Variants in TMEFF2 observed in about 807,000 individuals in gnomAD.
TMEFF2 encodes tomoregulin-2.
In TMEFF2, 28 loss-of-function variants were observed where a neutral mutation model predicts 53.8. The ratio of observed to expected loss-of-function variants is 0.52; its 90% CI spans 0.39 to 0.71. TMEFF2 has a LOEUF of 0.71. Among genes scored for constraint, TMEFF2 ranks in the 30% least tolerant of loss-of-function variants. The pLI is 0.00. For missense variants in TMEFF2, 353 were observed against 455.2 expected (o/e 0.78, Z 2.04); for synonymous variants, 162 against 166.3 (o/e 0.97, Z 0.20).
intron 2 of TMEFF2, among the ~76,000 whole-genome samples, chr2:192,186,840 G>A (rs1395819507): frequency 6.6e-6 from 1 of 152,174 alleles, no homozygotes; most frequent in African/African-American, 2.4e-5. Context: ...GGAGTGGAGA[G>A]TGGAAAGTAT....
intron 4 of TMEFF2, among the ~76,000 whole-genome samples, chr2:192,114,132 A>T (rs991744523): frequency 6.6e-6 from 1 of 150,694 alleles, no homozygotes; most frequent in African/African-American, 2.4e-5. Flanking sequence ...AATAATAAAC[A>T]TCTTTTCTCT....
intron 8 of TMEFF2, 70 bp downstream of exon 8, chr2:191,956,185 T>G: frequency 6.8e-7 from 1 of 1,478,798 alleles, no homozygotes; most frequent in South Asian, 1.4e-5. Flanking sequence ...CAATTTTCTA[T>G]AAACATCTAC....
chr2:191,954,128 C>G (rs559988100), intron 8 of TMEFF2, among the ~76,000 whole-genome samples: 6 of 152,150 alleles, frequency 3.9e-5, no homozygotes, highest in African/African-American at 1.4e-4. Flanking sequence ...ACCTCGTGAT[C>G]CGCCCACCTC....
chr2:192,066,915 T>C (rs910855544), intron 4 of TMEFF2, among the ~76,000 whole-genome samples: 2 of 151,922 alleles, frequency 1.3e-5, no homozygotes, highest in African/African-American at 4.8e-5. Flanking sequence ...TGCATATTCA[T>C]ATAAATGGTT....
chr2:192,041,372 A>G (rs1687476331), intron 5 of TMEFF2, among the ~76,000 whole-genome samples: 1 of 152,244 alleles, frequency 6.6e-6, no homozygotes, highest in Non-Finnish European at 1.5e-5. Context: ...AAAGAGACCA[A>G]CACCATTAGA....
At chr2:192,011,999 G>A (rs1686639054) in intron 5 of TMEFF2, among the ~76,000 whole-genome samples, 1 of 152,004 alleles carries the variant, frequency 6.6e-6, no homozygotes, top group South Asian at 2.1e-4. Flanking sequence ...CCATTCTCCT[G>A]CCTCAGCCTC....
intron 4 of TMEFF2, among the ~76,000 whole-genome samples, chr2:192,160,712 T>C (rs996818694): frequency 1.3e-5 from 2 of 152,002 alleles, no homozygotes; most frequent in African/African-American, 2.4e-5. Flanking sequence ...CCATGATGTA[T>C]ATAGATGTAT....
intron 3 of TMEFF2, among the ~76,000 whole-genome samples, chr2:192,182,693 A>G (rs1691215398): frequency 6.6e-6 from 1 of 151,986 alleles, no homozygotes; most frequent in African/African-American, 2.4e-5. Context: ...GGCAATTCTC[A>G]TGTGGCTATT....
chr2:192,006,086 T>C (rs868484332), intron 5 of TMEFF2, among the ~76,000 whole-genome samples: 2 of 150,774 alleles, frequency 1.3e-5, no homozygotes, highest in Admixed American at 6.6e-5. Context: ...TAACTTATAG[T>C]GGGCAATCCT....
chr2:192,105,173 T>G (rs896192821), intron 4 of TMEFF2, among the ~76,000 whole-genome samples: 1 of 152,088 alleles, frequency 6.6e-6, no homozygotes, highest in East Asian at 1.9e-4. Context: ...AAAGCTGTGT[T>G]TTTTCCCCAA....
At chr2:192,076,381 T>C (rs975613458) in intron 4 of TMEFF2, among the ~76,000 whole-genome samples, 2 of 152,094 alleles carry the variant, frequency 1.3e-5, no homozygotes, top group Non-Finnish European at 2.9e-5. Context: ...ACCACAAATA[T>C]CTTCTCTAAA....
rs1304319658 is a variant in TMEFF2, at chr2:192,194,491, T to C, written c.34A>G (p.Ser12Gly). 2 of 1,613,956 alleles carry C rather than the reference T, an allele frequency of 1.2e-6. No homozygotes were observed. The highest frequency in any genetic ancestry group is 1.7e-6 in the Non-Finnish European group (2 of 1,180,028). ...CAAAAGCCCTCGCAAAGTGTCCAGC[T>C]GCTGCACTGCCGCGGGGACTCCCAC... ...VLWESPRQCS[S>G]WTLCEGFCWL... The change falls in exon 1 of 10, where the codon AGC (serine) becomes GGC (glycine). Residue 12 changes from serine (S) to glycine (G), a missense_variant. Physicochemically the swap from Ser to Gly is moderately conservative, Grantham distance 56. Transcript: ENST00000272771. This position sits in a 1 kb window ranked among gnomAD's most constrained non-coding sequence, Gnocchi z 4.2.
intron 4 of TMEFF2, among the ~76,000 whole-genome samples, chr2:192,085,629 A>G (rs985897486): frequency 1.3e-5 from 2 of 151,896 alleles, no homozygotes; most frequent in Non-Finnish European, 2.9e-5. Flanking sequence ...TCTGCACTCT[A>G]TATCTAATAA....
chr2:192,052,240 C>A (rs953783041), intron 5 of TMEFF2, among the ~76,000 whole-genome samples: 3 of 152,186 alleles, frequency 2.0e-5, no homozygotes, highest in Non-Finnish European at 4.4e-5. Flanking sequence ...AACCTGTGCA[C>A]CTGTGCTCTG....
At chr2:192,058,694 G>A (rs1053247464) in intron 4 of TMEFF2, among the ~76,000 whole-genome samples, 6 of 152,050 alleles carry the variant, frequency 3.9e-5, no homozygotes, top group Non-Finnish European at 7.4e-5. Flanking sequence ...ATTTTAAAAT[G>A]AAAAATTACA....
intron 2 of TMEFF2, among the ~76,000 whole-genome samples, chr2:192,191,558 CT>C (rs540168458): frequency 4.6e-5 from 7 of 152,258 alleles, no homozygotes; most frequent in African/African-American, 1.7e-4. Context: ...TTCTTACCCC[CT>C]ATTTTGACTA....
At chr2:191,957,278 A>C (rs1428224882) in intron 7 of TMEFF2, among the ~76,000 whole-genome samples, 1 of 152,124 alleles carries the variant, frequency 6.6e-6, no homozygotes, top group Non-Finnish European at 1.5e-5. Context: ...AAAACTTTTG[A>C]GTTTTCCCTA....
At chr2:191,966,200 G>A (rs1692466410) in intron 7 of TMEFF2, among the ~76,000 whole-genome samples, 1 of 152,172 alleles carries the variant, frequency 6.6e-6, no homozygotes, top group Non-Finnish European at 1.5e-5. Context: ...AGGGTGGCAT[G>A]TCAAAGGGGA....
chr2:192,161,260 C>T (rs1256380280), intron 4 of TMEFF2, among the ~76,000 whole-genome samples: 1 of 152,088 alleles, frequency 6.6e-6, no homozygotes, highest in Non-Finnish European at 1.5e-5. Flanking sequence ...CCTCCGCCTT[C>T]CGTGTTCAAG....
Sources: allele counts gnomAD v4.1 joint callset (sites outside exome capture counted in the v4.1 genomes callset), GRCh38; gene constraint gnomAD v4.1.1; non-coding constraint Gnocchi (gnomAD v3.1); transcripts MANE v1.5; gene names NCBI Gene and HGNC (gene_info 2026-07-23, HGNC 2026-07-21).